ABCB4: variants seen among roughly 807,000 people sequenced by gnomAD.
The protein encoded by ABCB4 is ATP binding cassette subfamily B member 4.
A neutral mutation model predicts 145.7 loss-of-function variants in ABCB4; 76 were observed. That is an observed-to-expected ratio of 0.52 (90% confidence interval 0.43 to 0.63). ABCB4 has a LOEUF of 0.63. Ranked by LOEUF, ABCB4 falls within the 30% of genes least tolerant of loss-of-function variation. The pLI is 0.00. For synonymous variants in ABCB4, 517 were observed against 566.8 expected, an observed-to-expected ratio of 0.91 and a Z score of 1.25; for missense variants, 1,234 against 1,553.1, an observed-to-expected ratio of 0.79 and a Z score of 3.45.
the ABCB4 span, chr7:87,392,738 C>A: frequency 6.2e-7 from 1 of 1,613,238 alleles, no homozygotes; most frequent in South Asian, 1.1e-5. Context: ...AGGATTTGAT[C>A]GTCACCTTTT....
chr7:87,419,895 T>C, intron 19 of ABCB4, 103 bp downstream of exon 19: 1 of 1,252,792 alleles, frequency 8.0e-7, no homozygotes, highest in Non-Finnish European at 1.2e-6. Context: ...GTGAATACCC[T>C]GGGGGGAAAA....
the ABCB4 span, among the ~76,000 whole-genome samples, chr7:87,376,583 AT>A: frequency 2.6e-5 from 4 of 152,086 alleles, no homozygotes; most frequent in Non-Finnish European, 5.9e-5. Context: ...TCGGTATTAA[AT>A]AATAGGAAAA....
the ABCB4 span, among the ~76,000 whole-genome samples, chr7:87,370,208 G>A: frequency 9.2e-5 from 14 of 151,862 alleles, no homozygotes; most frequent in African/African-American, 3.1e-4. Flanking sequence ...TTTTGAGACA[G>A]AGTCTTGCTT....
chr7:87,382,277 C>A, the ABCB4 span: 3 of 1,407,374 alleles, frequency 2.1e-6, no homozygotes, highest in Non-Finnish European at 3.0e-6. Context: ...CTGCACAAAA[C>A]ATTTTAAAAT....
chr7:87,377,102 A>G, the ABCB4 span, among the ~76,000 whole-genome samples: 1 of 152,144 alleles, frequency 6.6e-6, no homozygotes, highest in Admixed American at 6.5e-5. Flanking sequence ...ATATTGTACC[A>G]GCATTTTCTT....
chr7:87,431,580 A>G lies in ABCB4; in HGVS notation c.1732-15T>C. On this transcript the variant is annotated splice_polypyrimidine_tract_variant and intron_variant, in intron 14 of 27. Coordinates refer to ENST00000649586, the MANE Select transcript of ABCB4 (RefSeq NM_000443.4). ...CCTTCTCTGGCCTAAAAGAACAAAAATGTGGTGCATCAGGGTTACAGTATT... is the reference window on the plus strand; with the variant it reads ...CCTTCTCTGGCCTAAAAGAACAAAAGTGTGGTGCATCAGGGTTACAGTATT... The G allele has an allele frequency of 6.2e-7, 1 of 1,614,006 alleles. No individual in the cohort carries two copies. The highest frequency in any genetic ancestry group is 8.5e-7 in the Non-Finnish European group (1 of 1,179,896).
intron 19 of ABCB4, among the ~76,000 whole-genome samples, 195 bp downstream of exon 19, chr7:87,419,799 AAAAC>A (rs1809279393): frequency 6.7e-6 from 1 of 148,396 alleles, no homozygotes; most frequent in African/African-American, 2.6e-5. Flanking sequence ...AAAAAAAACA[AAAAC>A]AAAAAAAAAA....
chr7:87,462,280 T>C (rs1812507550), intron 4 of ABCB4, among the ~76,000 whole-genome samples: 1 of 152,152 alleles, frequency 6.6e-6, no homozygotes, highest in Non-Finnish European at 1.5e-5. Flanking sequence ...GTCAATCTGG[T>C]TGATCCAAAA....
intron 3 of ABCB4, among the ~76,000 whole-genome samples, chr7:87,466,423 T>C (rs1053650717): frequency 2.0e-5 from 3 of 152,216 alleles, no homozygotes; most frequent in South Asian, 4.1e-4. Context: ...CTATGTGTGA[T>C]TGGTGTACCT....
At chr7:87,369,461 G>T in the ABCB4 span, 1 of 1,612,062 alleles carries the variant, frequency 6.2e-7, no homozygotes, top group Middle Eastern at 1.7e-4. Flanking sequence ...AAGGATGTTT[G>T]GTCACCCCGC....
rs1807932488 is a variant in ABCB4 at position 87,403,218 on chromosome 7, C to A, written c.3550G>T (p.Ala1184Ser). Residue 1184 changes from alanine (A) to serine (S), a missense_variant, in exon 27 of 28, where the codon GCT becomes TCT. Physicochemically the swap from Ala to Ser is moderately conservative, Grantham distance 99. Around this residue, in one of 7 missense-constraint regions of ABCB4, gnomAD observed 301 missense variants for 389.0 expected, o/e 0.77. Coordinates refer to ENST00000649586, the MANE Select transcript of ABCB4 (RefSeq NM_000443.4). Reference protein sequence around the residue: ...QLSGGQKQRIAIARALIRQPQ... With the variant: ...QLSGGQKQRISIARALIRQPQ... ...TGTCTGATGAGGGCTCGGGCAATAGCAATCCTCTGTTTTTGACCTCCTGAG... is the reference window on the plus strand; with the variant it reads ...TGTCTGATGAGGGCTCGGGCAATAGAAATCCTCTGTTTTTGACCTCCTGAG... The A allele has an allele frequency of 1.2e-6, 2 of 1,614,074 alleles. No homozygotes were observed. Among genetic ancestry groups the A allele is most frequent in the South Asian group, 1.1e-5 (1 of 91,082 alleles).
the ABCB4 span, among the ~76,000 whole-genome samples, chr7:87,372,440 A>C: frequency 1.8e-3 from 272 of 152,352 alleles, 1 homozygote; most frequent in African/African-American, 5.6e-3. Flanking sequence ...TTATTAGATC[A>C]GGCTTATTAA....
intron 23 of ABCB4, 86 bp downstream of exon 23, chr7:87,411,807 A>G: frequency 2.4e-6 from 3 of 1,266,532 alleles, no homozygotes; most frequent in Non-Finnish European, 3.4e-6. Flanking sequence ...TGGACACAGG[A>G]GTCATTTTTT....
At chr7:87,419,908 T>C (rs2116490960) in intron 19 of ABCB4, 90 bp downstream of exon 19, 3 of 1,354,288 alleles carry the variant, frequency 2.2e-6, no homozygotes, top group South Asian at 1.2e-5. Flanking sequence ...GGGGAAAACA[T>C]GCATATCGAC....
the ABCB4 span, among the ~76,000 whole-genome samples, chr7:87,395,173 C>T: frequency 6.6e-6 from 1 of 152,188 alleles, no homozygotes. Context: ...TTGAGTCCCA[C>T]AGCTGAAGAA....
In ABCB4 at chr7:87,422,182, T is replaced by A. The variant is rs746553683; in HGVS notation, c.2255A>T (p.Asn752Ile). ...AAATAAGAAAATCAAAGAGAATATG[T>A]TGCACTTCTGCTGCTTCACTGCATC... is the stretch of plus-strand genomic sequence containing the variant. ...GDDAVKQQKC[N>I]IFSLIFLFLG... Residue 752 changes from asparagine (N) to isoleucine (I), a missense_variant, in exon 18 of 28, where the codon AAC becomes ATC. Transcript: ENST00000649586. 6.2e-7 allele frequency: 1 copy of A among 1,613,784 alleles called. No homozygotes were observed. The highest frequency in any genetic ancestry group is 1.7e-5 in the Admixed American group (1 of 60,024).
At position 87,453,147 on chromosome 7, in the gene ABCB4, G is replaced by A. The variant is rs762289359; in HGVS notation, c.345-12C>T. 3.5e-5 allele frequency: 57 copies of A among 1,610,768 alleles called. No homozygotes were observed. Among genetic ancestry groups the A allele is most frequent in the Admixed American group, 6.7e-5 (4 of 59,942 alleles). On this transcript the variant is annotated splice_polypyrimidine_tract_variant and intron_variant, in intron 5 of 27. Coordinates refer to ENST00000649586, the MANE Select transcript of ABCB4 (RefSeq NM_000443.4). ...AGTAATATGCATATCTGAAAAAAAA[G>A]AGAAAGGCTCTATTAAATACCTTCT...
At chr7:87,461,154 A>G (rs2116885981) in intron 4 of ABCB4, among the ~76,000 whole-genome samples, 1 of 152,224 alleles carries the variant, frequency 6.6e-6, no homozygotes, top group South Asian at 2.1e-4. Flanking sequence ...CACAATGGTC[A>G]GGCTGGTCTC....
chr7:87,424,082 G>C (rs575618376), intron 16 of ABCB4, 30 bp from the exon 17 acceptor site: 1 of 1,613,566 alleles, frequency 6.2e-7, no homozygotes, highest in African/African-American at 1.3e-5. Flanking sequence ...GGGCAAACTG[G>C]TGATGACACA....
Sources: gnomAD v4.1 joint callset for allele counts (sites outside exome capture counted in the v4.1 genomes callset) on GRCh38, gnomAD v4.1.1 for gene constraint, gnomAD v4.1.1 regional missense constraint, MANE v1.5 for transcripts, NCBI Gene and HGNC (gene_info 2026-07-23, HGNC 2026-07-21) for gene names.